P4HA3: variants seen among roughly 807,000 people sequenced by gnomAD.
P4HA3 encodes the protein prolyl 4-hydroxylase subunit alpha-3.
A neutral mutation model predicts 66.7 loss-of-function variants in P4HA3; 60 were observed. That is an observed-to-expected ratio of 0.90 (90% CI 0.73 to 1.12). The LOEUF (loss-of-function observed/expected upper bound fraction) is 1.12, where lower values mean the gene tolerates loss of function less well. P4HA3 is among the 50% of genes most tolerant of loss of function. The pLI is 0.00. For synonymous variants in P4HA3, 263 were observed against 274.6 expected, an observed-to-expected ratio of 0.96 and a Z score of 0.42; for missense variants, 683 against 685.8, an observed-to-expected ratio of 1.00 and a Z score of 0.05.
chr11:74,250,709 G>A (rs2135684142), intron 15 of P4HA3: 1 of 467,876 alleles, frequency 2.1e-6, no homozygotes, highest in South Asian at 3.9e-5. Flanking sequence ...TTTCTTCTAT[G>A]TGTCTCTGGC....
At chr11:74,286,946 A>T (rs1565413652) in intron 5 of P4HA3, among the ~76,000 whole-genome samples, 1 of 152,198 alleles carries the variant, frequency 6.6e-6, no homozygotes, top group Admixed American at 6.5e-5. Flanking sequence ...TTCCCCAGAG[A>T]ATTGGAAGCT....
chr11:74,290,713 A>G (rs1196256766), intron 4 of P4HA3, among the ~76,000 whole-genome samples: 1 of 152,190 alleles, frequency 6.6e-6, no homozygotes, highest in Non-Finnish European at 1.5e-5. Flanking sequence ...TCATTTCCCC[A>G]TTGCTTGTTT....
Position 74,311,072 on chromosome 11 carries a change from A to T in P4HA3, c.200+340T>A, listed in dbSNP as rs143032068. Among the ~76,000 whole-genome samples the T allele has an allele frequency of 5.4e-3, 824 of 152,072 alleles. 1 individual carries two copies. Among genetic ancestry groups the T allele is most frequent in the Non-Finnish European group, 8.8e-3 (596 of 67,966 alleles). ...GAGTCACCCCGCCCCGCTCTTCCAC[A>T]GTGTATCAACTTTGCTGTGTGACGC... On this transcript the variant is annotated intron_variant, in intron 1 of 12. Transcript: ENST00000331597.
At chr11:74,257,153 T>C (rs1481587700) in intron 15 of P4HA3, among the ~76,000 whole-genome samples, 1 of 152,016 alleles carries the variant, frequency 6.6e-6, no homozygotes, top group East Asian at 1.9e-4. Flanking sequence ...TTTTAGACAG[T>C]CTCCTCTGTC....
Position 74,269,690 on chromosome 11 carries a change from C to G in P4HA3, c.1429G>C (p.Ala477Pro). 1 of 1,613,964 alleles carries G rather than the reference C, an allele frequency of 6.2e-7. No individual in the cohort carries two copies. The highest frequency in any genetic ancestry group is 8.5e-7 in the Non-Finnish European group (1 of 1,179,926). Residue 477 changes from alanine (A) to proline (P), a missense_variant, in exon 11 of 13, where the codon GCC becomes CCC. By Grantham distance (27) the Ala-to-Pro change is conservative (BLOSUM62 -1). Transcript: ENST00000331597. Reference sequence around the variant, plus strand: ...ACGCTGAGGTTGGCATAGATGAAGGCTGTGGCTCCTCCAGCTTCCACCGAG... The same window carrying G: ...ACGCTGAGGTTGGCATAGATGAAGGGTGTGGCTCCTCCAGCTTCCACCGAG... ...LSSVEAGGAT[A>P]FIYANLSVPV...
intron 4 of P4HA3, among the ~76,000 whole-genome samples, chr11:74,290,510 G>A (rs1373037952): frequency 6.6e-6 from 1 of 151,446 alleles, no homozygotes. Flanking sequence ...TAGACATTAA[G>A]TCCTTGCCCA....
Position 74,288,365 on chromosome 11 carries a change from G to C in P4HA3, c.769+714C>G, listed in dbSNP as rs192169313. 4.6e-3 allele frequency among the ~76,000 whole-genome samples: 698 copies of C among 152,284 alleles called. 4 individuals carry two copies. Among genetic ancestry groups the C allele is most frequent in the Non-Finnish European group, 7.7e-3 (526 of 68,028 alleles). On this transcript the variant is annotated intron_variant, in intron 5 of 12. Coordinates refer to ENST00000331597, the MANE Select transcript of P4HA3 (RefSeq NM_182904.5). ...GTGAGCAGCTGAAGTGAGCAATCCT[G>C]CTGAGTCACTTTCCTTCTTGCGTAC...
In P4HA3 at chr11:74,267,031, T is replaced by G. The variant is rs780074278; in HGVS notation, c.*217A>C. ...ACTCCCCCCTCCTTTGTACTGTGCA[T>G]CCTACTCTGACTTCCGTGGCTGGGG... is the stretch of plus-strand genomic sequence containing the variant. On this transcript the variant is annotated 3_prime_UTR_variant, in exon 13 of 13. Transcript: ENST00000331597. 2 of 1,533,074 alleles carry G rather than the reference T, an allele frequency of 1.3e-6. No homozygotes were observed. The highest frequency in any genetic ancestry group is 4.9e-5 in the East Asian group (2 of 40,914). The allele number at this position is 1,533,074 out of a possible 1,614,324, so 95.0% of individuals were successfully genotyped here.
At chr11:74,273,466 C>T (rs575029274) in intron 10 of P4HA3, 79 bp downstream of exon 10, 46 of 1,269,012 alleles carry the variant, frequency 3.6e-5, no homozygotes, top group Non-Finnish European at 4.6e-5. Context: ...AAAATCAATA[C>T]GTGAAATTGC....
At chr11:74,299,489 G>T (rs1263886336) in intron 3 of P4HA3, among the ~76,000 whole-genome samples, 1 of 152,024 alleles carries the variant, frequency 6.6e-6, no homozygotes. Flanking sequence ...AAAACGTTGA[G>T]CTGAAAAATG....
At chr11:74,250,815 A>T (rs1859638063) in intron 15 of P4HA3, 1 of 665,478 alleles carries the variant, frequency 1.5e-6, no homozygotes, top group African/African-American at 1.8e-5. Flanking sequence ...CCTCAGCAAG[A>T]CTTGATAATT....
intron 10 of P4HA3, among the ~76,000 whole-genome samples, chr11:74,272,323 C>T (rs1180498925): frequency 6.6e-6 from 1 of 152,114 alleles, no homozygotes; most frequent in Non-Finnish European, 1.5e-5. Context: ...AACCAGGGAA[C>T]CAGCCATAGG....
At chr11:74,256,391 A>G (rs529140371) in intron 15 of P4HA3, among the ~76,000 whole-genome samples, 2 of 152,256 alleles carry the variant, frequency 1.3e-5, no homozygotes, top group African/African-American at 4.8e-5. Context: ...TATCCTTGTG[A>G]AGTACAGGCA....
intron 9 of P4HA3, among the ~76,000 whole-genome samples, chr11:74,275,239 T>C (rs1860355566): frequency 1.3e-5 from 2 of 152,212 alleles, no homozygotes; most frequent in African/African-American, 4.8e-5. Context: ...GTGTCATATC[T>C]AAGAAATCTT....
chr11:74,297,067 G>A (rs1344880796), intron 4 of P4HA3, among the ~76,000 whole-genome samples: 3 of 151,916 alleles, frequency 2.0e-5, no homozygotes, highest in Admixed American at 2.0e-4. Context: ...GAGTAGCTGG[G>A]ATTACAGGCA....
At chr11:74,304,147 T>C (rs1377003822) in intron 2 of P4HA3, 123 bp downstream of exon 2, 1 of 1,264,100 alleles carries the variant, frequency 7.9e-7, no homozygotes, top group Non-Finnish European at 1.1e-6. Flanking sequence ...GAGCTAAGGA[T>C]ATTAAGTAAT....
chr11:74,267,287 C>T lies in P4HA3; in HGVS notation c.1596G>A (p.Gln532=). The T allele has an allele frequency of 6.2e-7, 1 of 1,614,242 alleles. No homozygotes were observed. The highest frequency in any genetic ancestry group is 1.3e-5 in the African/African-American group (1 of 75,078). ...VANKWIHEYG[Q]EFRRPCSSSP... is the part of the protein sequence containing the mutation. Reference sequence around the variant, plus strand: ...TGGAGCTGCAGGGTCTGCGGAATTCCTGTCCATACTCATGTATCCACTTGT... The same window carrying T: ...TGGAGCTGCAGGGTCTGCGGAATTCTTGTCCATACTCATGTATCCACTTGT... Residue 532 remains glutamine (Q), a synonymous_variant, in exon 13 of 13, where the codon CAG becomes CAA. Coordinates refer to ENST00000331597, the MANE Select transcript of P4HA3 (RefSeq NM_182904.5).
intron 7 of P4HA3, among the ~76,000 whole-genome samples, chr11:74,284,957 C>G (rs1860738164): frequency 6.6e-6 from 1 of 152,038 alleles, no homozygotes; most frequent in African/African-American, 2.4e-5. Flanking sequence ...GCCCGCTAGC[C>G]CTGATCATTC....
At chr11:74,263,639 A>G (rs1859944863), downstream of P4HA3, among the ~76,000 whole-genome samples, 1 of 152,210 alleles carries the variant, frequency 6.6e-6, no homozygotes, top group South Asian at 2.1e-4. Context: ...GGCTTGAAGG[A>G]GACAAATACA....
Sources: allele counts gnomAD v4.1 joint callset (sites outside exome capture counted in the v4.1 genomes callset), GRCh38; gene constraint gnomAD v4.1.1; transcripts MANE v1.5; gene names NCBI Gene and HGNC (gene_info 2026-07-23, HGNC 2026-07-21).